ABCA13: variants seen among roughly 807,000 people sequenced by gnomAD.
ABCA13 encodes ATP binding cassette subfamily A member 13, also known as ATP-binding cassette sub-family A member 13.
A neutral mutation model predicts 478.7 loss-of-function variants in ABCA13; 476 were observed. The ratio of observed to expected loss-of-function variants is 0.99; its 90% CI spans 0.92 to 1.07. The LOEUF (loss-of-function observed/expected upper bound fraction) is 1.07. Among genes scored for constraint, ABCA13 ranks in the 50% least tolerant of loss-of-function variants. The pLI, the probability that ABCA13 is intolerant of heterozygous loss-of-function variation, is 0.00. For synonymous variants in ABCA13, 2,252 were observed against 2,158.9 expected, an observed-to-expected ratio of 1.04 and a Z score of -1.20; for missense variants, 6,060 against 5,910.6, an observed-to-expected ratio of 1.03 and a Z score of -0.83.
chr7:48,597,461 A>AT (rs1357227385), intron 58 of ABCA13, among the ~76,000 whole-genome samples: 1 of 152,094 alleles, frequency 6.6e-6, no homozygotes, highest in Admixed American at 6.6e-5. Flanking sequence ...ACATGTTTTA[A>AT]TTTTTTTAGA....
intron 33 of ABCA13, 65 bp downstream of exon 33, chr7:48,372,562 C>G: frequency 7.9e-7 from 1 of 1,261,456 alleles, no homozygotes; most frequent in African/African-American, 1.5e-5. Flanking sequence ...TCTAACAAGA[C>G]AAAATCCCAC....
At chr7:48,444,640 G>A (rs954112820) in intron 42 of ABCA13, among the ~76,000 whole-genome samples, 2 of 151,750 alleles carry the variant, frequency 1.3e-5, no homozygotes, top group Admixed American at 1.3e-4. Context: ...ATTCTTCTGA[G>A]GGGTCATTTT....
At chr7:48,628,311 G>A (rs939212085) in intron 59 of ABCA13, among the ~76,000 whole-genome samples, 2 of 152,190 alleles carry the variant, frequency 1.3e-5, no homozygotes, top group African/African-American at 4.8e-5. Flanking sequence ...GTTATAGTAA[G>A]AAGAGATGTC....
chr7:48,190,546 T>C (rs919675763), intron 1 of ABCA13, among the ~76,000 whole-genome samples: 4 of 152,182 alleles, frequency 2.6e-5, no homozygotes, highest in Admixed American at 6.5e-5. Flanking sequence ...GAAACACTCC[T>C]AAGAGAGTTT....
chr7:48,227,475 C>T (rs1788399474), intron 6 of ABCA13, 50 bp downstream of exon 6: 2 of 1,563,204 alleles, frequency 1.3e-6, no homozygotes, highest in African/African-American at 1.4e-5. Flanking sequence ...TGTTTTTTTA[C>T]CTTATTTTTA....
chr7:48,350,162 C>T (rs1027923915), intron 29 of ABCA13, among the ~76,000 whole-genome samples: 16 of 152,238 alleles, frequency 1.1e-4, no homozygotes, highest in African/African-American at 3.9e-4. Context: ...TCCTCAGTGT[C>T]CATGCTCCTT....
chr7:48,288,681 C>T (rs1250672094), intron 20 of ABCA13, among the ~76,000 whole-genome samples: 1 of 152,104 alleles, frequency 6.6e-6, no homozygotes, highest in African/African-American at 2.4e-5. Flanking sequence ...TATTTACCAG[C>T]CCAACACTGG....
At chr7:48,358,064 C>T (rs779378899) in intron 31 of ABCA13, among the ~76,000 whole-genome samples, 164 of 151,248 alleles carry the variant, frequency 1.1e-3, no homozygotes, top group Non-Finnish European at 2.0e-3. Context: ...ATTGCTTGAA[C>T]CCAGGAGGCA....
chr7:48,363,394 T>C (rs1811186571), intron 31 of ABCA13, among the ~76,000 whole-genome samples: 1 of 152,154 alleles, frequency 6.6e-6, no homozygotes, highest in South Asian at 2.1e-4. Context: ...GAAAACGCAA[T>C]AAATTTTATA....
Position 48,412,385 on chromosome 7 carries a change from C to T in ABCA13, c.12261C>T (p.Asp4087=), listed in dbSNP as rs372736145. 4.3e-6 allele frequency: 7 copies of T among 1,613,172 alleles called. No individual in the cohort carries two copies. Among genetic ancestry groups the T allele is most frequent in the East Asian group, 2.2e-5 (1 of 44,840 alleles). ...PSVLEAHDLK[D]MACVTSLIKI... ...TTCTGGAGGCCCATGATCTGAAAGACATGGCTTGTGTTACATCCCTGATAA... is the reference window on the plus strand; with the variant it reads ...TTCTGGAGGCCCATGATCTGAAAGATATGGCTTGTGTTACATCCCTGATAA... The change falls in exon 41 of 62, where the codon GAC becomes GAT. Residue 4087 remains aspartate (D), a synonymous_variant. Coordinates refer to ENST00000435803, the MANE Select transcript of ABCA13 (RefSeq NM_152701.5).
intron 49 of ABCA13, 49 bp from the exon 50 acceptor site, chr7:48,507,823 G>A: frequency 1.3e-6 from 2 of 1,521,266 alleles, no homozygotes; most frequent in South Asian, 1.3e-5. Context: ...AGCAAAGAAG[G>A]CTTGTGTTCT....
intron 55 of ABCA13, among the ~76,000 whole-genome samples, chr7:48,568,728 T>G (rs1462679868): frequency 3.3e-5 from 5 of 152,008 alleles, no homozygotes; most frequent in Non-Finnish European, 7.4e-5. Context: ...GTGAAACCAT[T>G]TGGTAGTGGG....
chr7:48,482,146 A>G (rs1166842282), intron 46 of ABCA13, among the ~76,000 whole-genome samples: 1 of 152,192 alleles, frequency 6.6e-6, no homozygotes, highest in Admixed American at 6.5e-5. Context: ...CCCAGGAAAA[A>G]TTCACAGAGC....
At chr7:48,198,037 C>T (rs72557997) in intron 2 of ABCA13, among the ~76,000 whole-genome samples, 200 bp from the exon 3 acceptor site, 357 of 152,154 alleles carry the variant, frequency 2.3e-3, no homozygotes, top group Middle Eastern at 3.4e-3. Context: ...TGAGTACTGA[C>T]CCTGGAAGAA....
intron 3 of ABCA13, among the ~76,000 whole-genome samples, chr7:48,199,576 G>T (rs1450277406): frequency 6.6e-6 from 1 of 152,166 alleles, no homozygotes; most frequent in Non-Finnish European, 1.5e-5. Context: ...GATGGGAGAT[G>T]CCAACTTTCA....
chr7:48,388,369 A>G (rs904414368), intron 36 of ABCA13, among the ~76,000 whole-genome samples: 4 of 152,234 alleles, frequency 2.6e-5, no homozygotes, highest in Non-Finnish European at 5.9e-5. Flanking sequence ...TGGTTTATTC[A>G]GTGTTCCTGT....
At chr7:48,201,936 C>G (rs1238229002) in intron 3 of ABCA13, among the ~76,000 whole-genome samples, 2 of 151,606 alleles carry the variant, frequency 1.3e-5, no homozygotes, top group Non-Finnish European at 2.9e-5. Flanking sequence ...GTCTCGCTGG[C>G]TCAGGAGTGA....
intron 35 of ABCA13, among the ~76,000 whole-genome samples, chr7:48,382,951 A>G (rs923460599): frequency 1.3e-5 from 2 of 152,162 alleles, no homozygotes; most frequent in Non-Finnish European, 2.9e-5. Context: ...ATGATGTTCC[A>G]GATCTAGGTG....
intron 1 of ABCA13, among the ~76,000 whole-genome samples, chr7:48,171,813 A>G (rs575767487): frequency 1.9e-4 from 29 of 152,348 alleles, no homozygotes; most frequent in African/African-American, 6.7e-4. Flanking sequence ...CAAACAAACA[A>G]AAAAGCAGGT....
Sources: allele counts gnomAD v4.1 joint callset (sites outside exome capture counted in the v4.1 genomes callset), GRCh38; gene constraint gnomAD v4.1.1; transcripts MANE v1.5; gene names NCBI Gene and HGNC (gene_info 2026-07-23, HGNC 2026-07-21).